The following EPHA6 variants were observed in gnomAD, a reference collection of about 807,000 sequenced individuals.
The protein encoded by EPHA6 is EPH receptor A6, also known as ephrin type-A receptor 6.
In EPHA6, 50 loss-of-function variants were observed where a neutral mutation model predicts 112.0. The ratio of observed to expected loss-of-function variants is 0.45; its 90% CI spans 0.36 to 0.56. EPHA6 has a LOEUF of 0.56. Among genes scored for constraint, EPHA6 ranks in the 20% least tolerant of loss-of-function variants. The pLI, the probability that EPHA6 is intolerant of heterozygous loss-of-function variation, is 0.00. For missense variants in EPHA6, 1,280 were observed against 1,417.4 expected (o/e 0.90, Z 1.56); for synonymous variants, 529 against 490.7 (o/e 1.08, Z -1.03).
At chr3:96,990,610 A>G (rs903330093) in intron 3 of EPHA6, among the ~76,000 whole-genome samples, 1 of 152,190 alleles carries the variant, frequency 6.6e-6, no homozygotes, top group Non-Finnish European at 1.5e-5. Context: ...CTAATTAAAT[A>G]TAATGAATTG....
intron 10 of EPHA6, among the ~76,000 whole-genome samples, chr3:97,504,046 A>T (rs985424176): frequency 6.6e-6 from 1 of 152,178 alleles, no homozygotes; most frequent in Non-Finnish European, 1.5e-5. Context: ...AAAATGTGTT[A>T]TTTACTTTTC....
At chr3:96,893,028 C>G (rs557965845) in intron 2 of EPHA6, among the ~76,000 whole-genome samples, 80 of 151,630 alleles carry the variant, frequency 5.3e-4, no homozygotes, top group Middle Eastern at 3.4e-3. Context: ...CACAAAACCA[C>G]ATACATGTGA....
chr3:97,290,435 C>A lies in EPHA6; in HGVS notation c.1606+46148C>A, dbSNP rs530213638. Among the ~76,000 whole-genome samples, 10 of 152,172 alleles carry A rather than the reference C, an allele frequency of 6.6e-5. No individual in the cohort carries two copies. The East Asian group carries it at 1.9e-3, about 29-fold the overall frequency. ...CTGTGGCTGATGGGTGGAGTTTTCTCTAAATGTCTATTAGGTCTGATTAGT... is the reference window on the plus strand; with the variant it reads ...CTGTGGCTGATGGGTGGAGTTTTCTATAAATGTCTATTAGGTCTGATTAGT... On this transcript the variant is annotated intron_variant, in intron 5 of 17. Transcript: ENST00000389672.
chr3:96,946,078 A>G (rs1273760305), intron 2 of EPHA6, among the ~76,000 whole-genome samples: 2 of 152,128 alleles, frequency 1.3e-5, no homozygotes, highest in South Asian at 2.1e-4. Context: ...TGTAGTTTCA[A>G]TCATACAAAA....
intron 3 of EPHA6, among the ~76,000 whole-genome samples, chr3:97,009,719 G>A (rs1410914165): frequency 1.3e-5 from 2 of 152,210 alleles, no homozygotes; most frequent in South Asian, 2.1e-4. Flanking sequence ...GCTACGCCCC[G>A]GTGTCATGGT....
rs1479461971 is a variant in EPHA6 at position 97,761,344 on chromosome 3, G to T, written c.*12643G>T. 5.3e-6 allele frequency: 1 copy of T among 189,524 alleles called. No homozygotes were observed. Among genetic ancestry groups the T allele is most frequent in the Admixed American group, 6.2e-5 (1 of 16,224 alleles). The allele number at this position is 189,524 out of a possible 1,614,324, so 11.7% of individuals were successfully genotyped here. A position where few individuals can be genotyped will look rare whatever the true frequency, so the allele number is the denominator to read the frequency against. On this transcript the variant is annotated 3_prime_UTR_variant, in exon 18 of 18. Coordinates refer to ENST00000389672, the MANE Select transcript of EPHA6 (RefSeq NM_001080448.3). ...AACATATGTCATCTATTTGCTGAAA[G>T]AATATGCTGTTTAGCAAACTACCTG...
At chr3:97,720,125 C>T (rs1273441031) in intron 14 of EPHA6, 136 bp from the exon 15 acceptor site, 6 of 666,132 alleles carry the variant, frequency 9.0e-6, no homozygotes, top group African/African-American at 1.9e-5. Flanking sequence ...TTCTGGCTTT[C>T]TTTTGATTTT....
intron 15 of EPHA6, among the ~76,000 whole-genome samples, chr3:97,729,002 G>A (rs1013086887): frequency 6.6e-6 from 1 of 151,982 alleles, no homozygotes; most frequent in Non-Finnish European, 1.5e-5. Flanking sequence ...ACATGCTATT[G>A]TGACTTCCAA....
At chr3:97,702,015 C>T (rs1256234472) in intron 14 of EPHA6, among the ~76,000 whole-genome samples, 1 of 152,184 alleles carries the variant, frequency 6.6e-6, no homozygotes, top group Non-Finnish European at 1.5e-5. Flanking sequence ...GACCCTTACA[C>T]TCCCATTAAA....
rs188335579 is a variant in EPHA6 at position 96,881,516 on chromosome 3, C to A, written c.450+14627C>A. Among the ~76,000 whole-genome samples the A allele has an allele frequency of 1.8e-3, 277 of 152,294 alleles. 1 individual carries two copies. Among genetic ancestry groups the A allele is most frequent in the African/African-American group, 5.7e-3 (236 of 41,574 alleles). The stretch of plus-strand genomic sequence containing the variant: ...TTCAGTTATCTCCCACAAGGTCCCT[C>A]CCACAACAGGTGGGAATTATGTGAG... On this transcript the variant is annotated intron_variant, in intron 2 of 17. Transcript: ENST00000389672.
intron 3 of EPHA6, among the ~76,000 whole-genome samples, chr3:97,072,796 C>T (rs532988559): frequency 6.6e-6 from 1 of 152,176 alleles, no homozygotes; most frequent in Non-Finnish European, 1.5e-5. Context: ...ATATAATTTG[C>T]CCATTACCAT....
At chr3:96,845,999 TGAA>T (rs1378329143) in intron 1 of EPHA6, among the ~76,000 whole-genome samples, 1 of 152,034 alleles carries the variant, frequency 6.6e-6, no homozygotes, top group African/African-American at 2.4e-5. Context: ...TATGAATACT[TGAA>T]GAATACAAAA....
chr3:97,334,350 G>A (rs540912327), intron 5 of EPHA6, among the ~76,000 whole-genome samples: 2 of 151,770 alleles, frequency 1.3e-5, no homozygotes, highest in Non-Finnish European at 2.9e-5. Context: ...AGATTTTCTG[G>A]AATAGTTTGA....
At chr3:97,364,810 TA>T (rs1245952552) in intron 5 of EPHA6, among the ~76,000 whole-genome samples, 1 of 152,140 alleles carries the variant, frequency 6.6e-6, no homozygotes, top group Non-Finnish European at 1.5e-5. Context: ...TTTAGAAAAT[TA>T]TTTTTTGGCA....
intron 5 of EPHA6, among the ~76,000 whole-genome samples, chr3:97,340,010 T>C (rs2083230312): frequency 6.6e-6 from 1 of 152,200 alleles, no homozygotes; most frequent in Non-Finnish European, 1.5e-5. Context: ...GGGCTTGGGA[T>C]ATATGAAAAA....
At chr3:96,969,097 T>G (rs2042228183) in intron 2 of EPHA6, among the ~76,000 whole-genome samples, 1 of 151,892 alleles carries the variant, frequency 6.6e-6, no homozygotes, top group Non-Finnish European at 1.5e-5. Context: ...CTCTTCTAAC[T>G]TCTACTAATT....
chr3:97,445,846 A>G (rs2090325530), intron 6 of EPHA6, among the ~76,000 whole-genome samples: 1 of 152,096 alleles, frequency 6.6e-6, no homozygotes, highest in Non-Finnish European at 1.5e-5. Flanking sequence ...TGAAAAACAG[A>G]ACTTTATGAA....
intron 3 of EPHA6, among the ~76,000 whole-genome samples, chr3:96,993,900 C>A (rs1303536466): frequency 6.6e-6 from 1 of 152,078 alleles, no homozygotes; most frequent in Non-Finnish European, 1.5e-5. Context: ...AACTAAGACA[C>A]AATAAGCTGA....
At chr3:97,196,600 T>C (rs2077448525) in intron 3 of EPHA6, among the ~76,000 whole-genome samples, 2 of 152,050 alleles carry the variant, frequency 1.3e-5, no homozygotes, top group South Asian at 4.1e-4. Context: ...CTGGGCTTGT[T>C]TGTACCCAAC....
Sources: gnomAD v4.1 joint callset for allele counts (sites outside exome capture counted in the v4.1 genomes callset) on GRCh38, gnomAD v4.1.1 for gene constraint, MANE v1.5 for transcripts, NCBI Gene and HGNC (gene_info 2026-07-23, HGNC 2026-07-21) for gene names.